BARD1: variants seen among roughly 807,000 people sequenced by gnomAD.
BARD1 encodes BRCA1-associated RING domain protein 1.
In BARD1, 73 loss-of-function variants were observed where a neutral mutation model predicts 77.0. The observed-to-expected ratio is 0.95, with a 90% CI of 0.79 to 1.15. The LOEUF is 1.15. BARD1 is among the 50% of genes most tolerant of loss of function. The pLI is 0.00. For synonymous variants in BARD1, 384 were observed against 338.0 expected, an observed-to-expected ratio of 1.14 and a Z score of -1.49; for missense variants, 993 against 938.8, an observed-to-expected ratio of 1.06 and a Z score of -0.75.
intron 1 of BARD1, 24 bp from the exon 2 acceptor site, chr2:214,797,141 C>T (rs1461206217): frequency 6.3e-7 from 1 of 1,592,960 alleles, no homozygotes; most frequent in Non-Finnish European, 8.6e-7. Context: ...TTAAAACAAT[C>T]AAGATTTGAG....
Position 214,809,527 on chromosome 2 carries a change from G to A in BARD1, c.43C>T (p.Arg15Cys), listed in dbSNP as rs1553628470. 1.9e-6 allele frequency: 3 copies of A among 1,588,276 alleles called. No homozygotes were observed. Among genetic ancestry groups the A allele is most frequent in the Non-Finnish European group, 2.6e-6 (3 of 1,169,330 alleles). The change falls in exon 1 of 11, where the codon CGC (arginine) becomes TGC (cysteine). Residue 15 changes from arginine to cysteine, a missense_variant. Arg to Cys is a radical substitution (Grantham distance 180). Coordinates refer to ENST00000260947, the MANE Select transcript of BARD1 (RefSeq NM_000465.4). ...RQPRNRQPRI[R>C]SGNEPRSAPA... ...GCGGAACGAGGCTCGTTCCCGGAGC[G>A]GATCCTCGGCTGCCGGTTCCTCGGC... is the stretch of plus-strand genomic sequence containing the variant.
chr2:214,754,353 T>C (rs890170876), intron 6 of BARD1, among the ~76,000 whole-genome samples: 1 of 142,438 alleles, frequency 7.0e-6, no homozygotes, highest in Non-Finnish European at 1.5e-5. Flanking sequence ...AAAGAAAAAA[T>C]GAGAAAAAAA....
chr2:214,790,395 A>G (rs1162635163), intron 3 of BARD1, among the ~76,000 whole-genome samples: 1 of 152,122 alleles, frequency 6.6e-6, no homozygotes, highest in Non-Finnish European at 1.5e-5. Context: ...CTCCCAACGC[A>G]ATATGACTCC....
intron 9 of BARD1, among the ~76,000 whole-genome samples, chr2:214,742,397 T>C (rs1381316417): frequency 2.6e-5 from 4 of 152,154 alleles, no homozygotes; most frequent in South Asian, 4.1e-4. Flanking sequence ...ATGAGAAATA[T>C]ATATTAGGAA....
intron 1 of BARD1, among the ~76,000 whole-genome samples, chr2:214,799,103 C>T (rs1051942546): frequency 6.6e-6 from 1 of 151,924 alleles, no homozygotes; most frequent in African/African-American, 2.4e-5. Context: ...GGTGACAGAG[C>T]GAGACCCTGT....
intron 3 of BARD1, among the ~76,000 whole-genome samples, chr2:214,785,725 G>T (rs957235348): frequency 6.9e-6 from 1 of 145,594 alleles, no homozygotes; most frequent in Non-Finnish European, 1.5e-5. Context: ...GAAAAAAAAA[G>T]AAAGAAAGAA....
chr2:214,781,197 T>A lies in BARD1; in HGVS notation c.677A>T (p.Asp226Val), dbSNP rs745368624. The A allele has an allele frequency of 6.3e-7, 1 of 1,589,624 alleles. No individual in the cohort carries two copies. The highest frequency in any genetic ancestry group is 8.5e-7 in the Non-Finnish European group (1 of 1,173,908). ...QKWNLEAEKE[D>V]GEFDSKEESK... ...TTCCTCTTTGGAGTCAAATTCACCA[T>A]CTTCTTTTTCTGCCTCTAAATTCCA... Residue 226 changes from aspartate to valine, a missense_variant, in exon 4 of 11, where the codon GAT (aspartate) becomes GTT (valine). Physicochemically the swap from Asp to Val is radical, Grantham distance 152. Coordinates refer to ENST00000260947, the MANE Select transcript of BARD1 (RefSeq NM_000465.4).
chr2:214,750,785 G>C (rs925595223), intron 7 of BARD1, among the ~76,000 whole-genome samples: 1 of 152,028 alleles, frequency 6.6e-6, no homozygotes, highest in East Asian at 1.9e-4. Flanking sequence ...ATCTAGAATT[G>C]TGGCAATCAT....
intron 6 of BARD1, among the ~76,000 whole-genome samples, chr2:214,763,731 G>GT (rs976437925): frequency 3.3e-5 from 5 of 152,136 alleles, no homozygotes; most frequent in African/African-American, 1.2e-4. Context: ...GACAGAAAAA[G>GT]TTTGTTTGCC....
At chr2:214,758,542 A>C (rs1003350080) in intron 6 of BARD1, among the ~76,000 whole-genome samples, 3 of 152,300 alleles carry the variant, frequency 2.0e-5, no homozygotes, top group African/African-American at 7.2e-5. Context: ...AAGTTTACTA[A>C]GGGAAAGTAT....
chr2:214,748,984 G>T (rs1693273201), intron 7 of BARD1, among the ~76,000 whole-genome samples: 2 of 152,004 alleles, frequency 1.3e-5, no homozygotes. Flanking sequence ...AGTTGAGAGG[G>T]GAAAACAACA....
In BARD1 at chr2:214,744,846, T is replaced by C. The variant is rs59224723; in HGVS notation, c.1903+221A>G. Among the ~76,000 whole-genome samples the C allele has an allele frequency of 0.18, 27,088 of 152,010 alleles. 2,597 individuals carry two copies. The highest frequency in any genetic ancestry group is 0.22 in the Non-Finnish European group (14,753 of 67,930). On this transcript the variant is annotated intron_variant, in intron 9 of 10. Coordinates refer to ENST00000260947, the MANE Select transcript of BARD1 (RefSeq NM_000465.4). ...CAGGGCTTCACCGTGTTAGCCAGGA[T>C]GATCTCGATCTCCTGGCCTTGTGAT...
chr2:214,751,957 G>T (rs1693474405), intron 7 of BARD1, among the ~76,000 whole-genome samples: 1 of 152,074 alleles, frequency 6.6e-6, no homozygotes. Flanking sequence ...ATAGTCACCT[G>T]GCAGCCTCCT....
chr2:214,797,704 T>C (rs1695822198), intron 1 of BARD1, among the ~76,000 whole-genome samples: 1 of 152,118 alleles, frequency 6.6e-6, no homozygotes, highest in African/African-American at 2.4e-5. Context: ...CTTACTACTG[T>C]AAAGTAGCCA....
chr2:214,785,629 A>C (rs1380442400), intron 3 of BARD1, among the ~76,000 whole-genome samples: 1 of 151,980 alleles, frequency 6.6e-6, no homozygotes, highest in African/African-American at 2.4e-5. Flanking sequence ...AGTTAAAACA[A>C]AAAGAAGGAA....
chr2:214,732,114 T>C (rs185099047), intron 9 of BARD1, among the ~76,000 whole-genome samples: 89 of 152,328 alleles, frequency 5.8e-4, no homozygotes, highest in African/African-American at 2.0e-3. Context: ...ATGTTGGATA[T>C]ACTACAGTGT....
chr2:214,760,297 A>G (rs1693895045), intron 6 of BARD1, among the ~76,000 whole-genome samples: 1 of 152,100 alleles, frequency 6.6e-6, no homozygotes, highest in Admixed American at 6.5e-5. Flanking sequence ...GGTTCAAGCG[A>G]TTCTTGTGCC....
rs1259685978 is a variant in BARD1 at position 214,771,922 on chromosome 2, A to AG, written c.1315-2611dup. On this transcript the variant is annotated intron_variant, in intron 4 of 10. Transcript: ENST00000260947. ...GTTTCAAATTAATTACCCCAGTTTC[A>AG]GGAAAAAAAAAAAAAAAAAAAGCAA... Among the ~76,000 whole-genome samples the AG allele has an allele frequency of 3.2e-4, 37 of 114,044 alleles. No homozygotes were observed. In the East Asian group the frequency reaches 3.5e-3, roughly 11 times the overall value. 74.8% of individuals were successfully genotyped at this position (114,044 alleles called of 152,430 possible).
intron 6 of BARD1, 132 bp from the exon 7 acceptor site, chr2:214,752,687 G>C (rs1574757043): frequency 1.4e-5 from 10 of 727,892 alleles, no homozygotes; most frequent in African/African-American, 5.3e-5. Flanking sequence ...GAAGAATCTA[G>C]AATCAAAAGC....
Sources: gnomAD v4.1 joint callset for allele counts (sites outside exome capture counted in the v4.1 genomes callset) on GRCh38, gnomAD v4.1.1 for gene constraint, MANE v1.5 for transcripts, NCBI Gene and HGNC (gene_info 2026-07-23, HGNC 2026-07-21) for gene names.